EPHB2: variants seen among roughly 807,000 people sequenced by gnomAD.
The protein encoded by EPHB2 is EPH receptor B2.
Under a neutral mutation model 96.4 loss-of-function variants are expected in EPHB2, and 18 were observed. That is an observed-to-expected ratio of 0.19 (90% CI 0.13 to 0.28). The LOEUF (loss-of-function observed/expected upper bound fraction) is 0.28. Among genes scored for constraint, EPHB2 ranks in the 10% least tolerant of loss-of-function variants. The pLI is 1.00. For synonymous variants in EPHB2, 506 were observed against 534.1 expected (o/e 0.95, Z 0.72); for missense variants, 989 against 1,355.4 (o/e 0.73, Z 4.25).
At chr1:22,731,043 G>A (rs1329950364) in intron 1 of EPHB2, among the ~76,000 whole-genome samples, 1 of 152,108 alleles carries the variant, frequency 6.6e-6, no homozygotes, top group African/African-American at 2.4e-5. Flanking sequence ...TCCAGAGGGG[G>A]CGGAGAGAAA....
At chr1:22,845,168 A>C (rs926075054) in intron 3 of EPHB2, among the ~76,000 whole-genome samples, 1 of 152,162 alleles carries the variant, frequency 6.6e-6, no homozygotes, top group Non-Finnish European at 1.5e-5. Context: ...TCCCTCCTCT[A>C]CCACTCACTG....
At chr1:22,766,900 G>A (rs775724019) in intron 1 of EPHB2, among the ~76,000 whole-genome samples, 2 of 152,232 alleles carry the variant, frequency 1.3e-5, no homozygotes, top group African/African-American at 4.8e-5. Context: ...GGGAGCTGAT[G>A]AACTGACTGG....
Position 22,858,956 on chromosome 1 carries a change from A to G in EPHB2, c.812-4081A>G, listed in dbSNP as rs16827678. Among the ~76,000 whole-genome samples, 4,174 of 152,256 alleles carry G rather than the reference A, an allele frequency of 0.027. 197 individuals are homozygous for G. Among genetic ancestry groups the G allele is most frequent in the African/African-American group, 0.095 (3,951 of 41,516 alleles). On this transcript the variant is annotated intron_variant, in intron 3 of 15. Transcript: ENST00000374630. The surrounding 1 kb of genome is among the most constrained non-coding windows in gnomAD (Gnocchi z 7.7). ...CAGCCAGGTAGACACATTCATAAGC[A>G]AGTAATTAAAATAGGCACTGTATAC...
chr1:22,784,962 G>T lies in EPHB2; in HGVS notation c.697G>T (p.Val233Leu). The T allele has an allele frequency of 6.2e-7, 1 of 1,614,000 alleles. No homozygotes were observed. Among genetic ancestry groups the T allele is most frequent in the Non-Finnish European group, 8.5e-7 (1 of 1,180,052 alleles). ...RGSCIANAEE[V>L]DVPIKLYCNG... ...CAGCTGCATCGCCAATGCGGAAGAG[G>T]TGGATGTACCCATCAAGCTCTACTG... is the stretch of plus-strand genomic sequence containing the variant. Residue 233 changes from valine to leucine, a missense_variant, in exon 3 of 16, where the codon GTG becomes TTG. By Grantham distance (32) the Val-to-Leu change is conservative. Coordinates refer to ENST00000374630, the MANE Select transcript of EPHB2 (RefSeq NM_017449.5). The surrounding 1 kb of genome is among the most constrained non-coding windows in gnomAD (Gnocchi z 5.1).
intron 3 of EPHB2, among the ~76,000 whole-genome samples, chr1:22,829,413 G>A (rs1351319326): frequency 6.6e-6 from 1 of 152,228 alleles, no homozygotes; most frequent in African/African-American, 2.4e-5. Context: ...AGCCTGATGG[G>A]GTCGGCTCTA....
At chr1:22,819,251 G>T (rs1162896601) in intron 3 of EPHB2, among the ~76,000 whole-genome samples, 516 of 48,756 alleles carry the variant, frequency 0.011, no homozygotes, top group South Asian at 0.023. Context: ...CTCTCTCTCT[G>T]CTGGTCTTTG....
chr1:22,835,666 GTAAGTACTC>G (rs1228408109), intron 3 of EPHB2: 1 of 152,262 alleles, frequency 6.6e-6, no homozygotes, highest in African/African-American at 2.4e-5. Flanking sequence ...CTAGCCCATT[GTAAGTACTC>G]GGAAGTCAGC....
At position 22,906,179 on chromosome 1, in the gene EPHB2, C is replaced by A. The variant is rs1214310015; in HGVS notation, c.1888+70C>A. The A allele has an allele frequency of 1.2e-6, 2 of 1,610,392 alleles. No individual in the cohort carries two copies. The highest frequency in any genetic ancestry group is 1.1e-5 in the South Asian group (1 of 90,460). On this transcript the variant is annotated intron_variant, in intron 10 of 15. Coordinates refer to ENST00000374630, the MANE Select transcript of EPHB2 (RefSeq NM_017449.5). This position sits in a 1 kb window ranked among gnomAD's most constrained non-coding sequence, Gnocchi z 4.8. ...CTGGTGAGACCACCCCAATGTATAC[C>A]CTTGGGGCAGAAGGTAGGATGTGGG...
At position 22,881,354 on chromosome 1, in the gene EPHB2, T is replaced by C. The variant is rs75980716; in HGVS notation, c.1304-1005T>C. 2.1e-3 allele frequency among the ~76,000 whole-genome samples: 321 copies of C among 151,746 alleles called. 1 individual carries two copies. Among genetic ancestry groups the C allele is most frequent in the Non-Finnish European group, 3.9e-3 (267 of 67,910 alleles). ...CAGAGGTTGCAGTGAGCCAAGATCA[T>C]GCCACTGCACTCTAGCTAGGGTGGC... On this transcript the variant is annotated intron_variant, in intron 5 of 15. Coordinates refer to ENST00000374630, the MANE Select transcript of EPHB2 (RefSeq NM_017449.5).
intron 2 of EPHB2, among the ~76,000 whole-genome samples, chr1:22,783,533 C>T (rs910752063): frequency 1.3e-5 from 2 of 152,212 alleles, no homozygotes; most frequent in African/African-American, 4.8e-5. Flanking sequence ...AAACAGCAGG[C>T]AGCCAGAGAG....
chr1:22,801,552 C>T (rs1279619629), intron 3 of EPHB2, among the ~76,000 whole-genome samples: 2 of 151,950 alleles, frequency 1.3e-5, no homozygotes, highest in African/African-American at 2.4e-5. Context: ...CACCGCATTC[C>T]AAGAACGCTT....
At chr1:22,780,832 A>G (rs1480187990) in intron 1 of EPHB2, among the ~76,000 whole-genome samples, 1 of 152,136 alleles carries the variant, frequency 6.6e-6, no homozygotes, top group African/African-American at 2.4e-5. Flanking sequence ...CCTGACCATG[A>G]TGTAAGGGTG....
intron 9 of EPHB2, among the ~76,000 whole-genome samples, chr1:22,897,807 T>TAAACATATA (rs1639615646): frequency 7.8e-6 from 1 of 128,574 alleles, no homozygotes; most frequent in African/African-American, 3.0e-5. Context: ...AATAAATAAA[T>TAAACATATA]AAACATATAA....
Position 22,785,048 on chromosome 1 carries a change from G to T in EPHB2, c.783G>T (p.Glu261Asp). The T allele has an allele frequency of 1.2e-6, 2 of 1,613,648 alleles. No homozygotes were observed. Among genetic ancestry groups the T allele is most frequent in the Non-Finnish European group, 1.7e-6 (2 of 1,180,048 alleles). ...GCTGCATGTGCAAAGCAGGCTTCGA[G>T]GCCGTTGAGAATGGCACCGTCTGCC... ...IGRCMCKAGF[E>D]AVENGTVCRG... Residue 261 changes from glutamate (E) to aspartate (D), a missense_variant, in exon 3 of 16, where the codon GAG becomes GAT. Coordinates refer to ENST00000374630, the MANE Select transcript of EPHB2 (RefSeq NM_017449.5).
chr1:22,818,793 C>T (rs1645109266), intron 3 of EPHB2, among the ~76,000 whole-genome samples: 1 of 152,186 alleles, frequency 6.6e-6, no homozygotes, highest in Non-Finnish European at 1.5e-5. Context: ...AGAATCTTCC[C>T]TTAACCACTC....
intron 5 of EPHB2, among the ~76,000 whole-genome samples, chr1:22,868,708 T>G (rs1363350905): frequency 6.6e-6 from 1 of 152,032 alleles, no homozygotes; most frequent in Non-Finnish European, 1.5e-5. Flanking sequence ...CCAGCATCAG[T>G]GGGATGGAGA....
intron 1 of EPHB2, among the ~76,000 whole-genome samples, chr1:22,732,920 G>A (rs1035967738): frequency 2.0e-5 from 3 of 152,328 alleles, no homozygotes; most frequent in Admixed American, 6.5e-5. Context: ...AGAATGAGAC[G>A]CATAACACAG....
intron 3 of EPHB2, among the ~76,000 whole-genome samples, chr1:22,853,917 G>T (rs771165104): frequency 5.9e-5 from 9 of 152,250 alleles, no homozygotes. Context: ...TTGGGCAAAG[G>T]GGAGGCATGC....
intron 1 of EPHB2, among the ~76,000 whole-genome samples, chr1:22,767,991 G>T (rs1644329860): frequency 6.6e-6 from 1 of 152,198 alleles, no homozygotes; most frequent in Non-Finnish European, 1.5e-5. Flanking sequence ...GATGCCAGGT[G>T]TGGTTGGCAA....
Sources: gnomAD v4.1 joint callset for allele counts (sites outside exome capture counted in the v4.1 genomes callset) on GRCh38, gnomAD v4.1.1 for gene constraint, Gnocchi (gnomAD v3.1) non-coding constraint, MANE v1.5 for transcripts, NCBI Gene and HGNC (gene_info 2026-07-23, HGNC 2026-07-21) for gene names.